Variants in CSF2RA observed in about 807,000 individuals in gnomAD.
CSF2RA encodes granulocyte-macrophage colony-stimulating factor receptor subunit alpha.
A neutral mutation model predicts 51.6 loss-of-function variants in CSF2RA; 42 were observed. The ratio of observed to expected loss-of-function variants is 0.81; its 90% CI spans 0.64 to 1.05. The LOEUF (loss-of-function observed/expected upper bound fraction) is 1.05. CSF2RA is among the 50% of genes least tolerant of loss of function. CSF2RA has a pLI of 0.00. For missense variants in CSF2RA, 530 were observed against 501.1 expected, an observed-to-expected ratio of 1.06 and a Z score of -0.55; for synonymous variants, 222 against 193.0, an observed-to-expected ratio of 1.15 and a Z score of -1.24.
chrX:1,304,886 AACTCTTG>A (rs200961142), intron 11 of CSF2RA, among the ~76,000 whole-genome samples: 18,710 of 149,332 alleles, frequency 0.13, 1,507 homozygotes, highest in Non-Finnish European at 0.18. Flanking sequence ...GCTGGTCTCT[AACTCTTG>A]ACCTCAGGTG....
chrX:1,298,804 C>A (rs1431084387), intron 9 of CSF2RA, among the ~76,000 whole-genome samples: 2 of 152,032 alleles, frequency 1.3e-5, no homozygotes, highest in African/African-American at 4.8e-5. Flanking sequence ...TCTGCCTAGA[C>A]CCAGTGTGAT....
chrX:1,294,512 A>T, intron 8 of CSF2RA, 51 bp downstream of exon 8: 1 of 1,610,460 alleles, frequency 6.2e-7, no homozygotes, highest in Non-Finnish European at 8.5e-7. Flanking sequence ...CGTACGGGAC[A>T]CGCCCGCACA....
chrX:1,285,748 A>C, intron 3 of CSF2RA, 30 bp from the exon 4 acceptor site: 1 of 1,588,362 alleles, frequency 6.3e-7, no homozygotes, highest in South Asian at 1.1e-5. Context: ...GAAAAGAGGA[A>C]ATTCTGAACC....
At position 1,309,645 on chromosome X, in the gene CSF2RA, G is replaced by C; in HGVS notation, c.*166G>C. 6.6e-7 allele frequency: 1 copy of C among 1,519,956 alleles called. No individual in the cohort carries two copies. The highest frequency in any genetic ancestry group is 9.1e-7 in the Non-Finnish European group (1 of 1,095,216). The allele number at this position is 1,519,956 out of a possible 1,614,324, so 94.2% of individuals were successfully genotyped here. A position where few individuals can be genotyped will look rare whatever the true frequency, so the allele number is the denominator to read the frequency against. On this transcript the variant is annotated 3_prime_UTR_variant, in exon 13 of 13. Transcript: ENST00000381529. Reference sequence around the variant, plus strand: ...CTCACGCCTGTAATCCCAGCACTTTGGGAGGCCAAGGCAGGCGGATCACCT... The same window carrying C: ...CTCACGCCTGTAATCCCAGCACTTTCGGAGGCCAAGGCAGGCGGATCACCT...
rs371886431 is a variant in CSF2RA at position 1,309,532 on chromosome X, G to T, written c.*53G>T. The stretch of plus-strand genomic sequence containing the variant: ...ACATCTCCGCCTCCGCGACACGGGG[G>T]AACTGTTTTCTTGATGATGCTGTGA... On this transcript the variant is annotated 3_prime_UTR_variant, in exon 13 of 13. Coordinates refer to ENST00000381529, the MANE Select transcript of CSF2RA (RefSeq NM_172245.4). 5 of 1,613,866 alleles carry T rather than the reference G, an allele frequency of 3.1e-6. No individual in the cohort carries two copies. In the African/African-American group the frequency reaches 4.0e-5, roughly 13 times the overall value.
At chrX:1,322,010 C>T in the CSF2RA span, among the ~76,000 whole-genome samples, 41 of 152,064 alleles carry the variant, frequency 2.7e-4, no homozygotes, top group Non-Finnish European at 5.3e-4. Flanking sequence ...TGGCTCATGC[C>T]TGTAATCCCA....
At chrX:1,301,656 G>A (rs746343285) in intron 10 of CSF2RA, among the ~76,000 whole-genome samples, 52 of 146,480 alleles carry the variant, frequency 3.5e-4, no homozygotes, top group African/African-American at 1.3e-3. Context: ...GAGTCCAGTG[G>A]CGCAATCTCG....
At chrX:1,282,994 G>GA (rs1414940853) in intron 3 of CSF2RA, among the ~76,000 whole-genome samples, 1 of 152,138 alleles carries the variant, frequency 6.6e-6, no homozygotes, top group Non-Finnish European at 1.5e-5. Context: ...CTACAGATGA[G>GA]AAAACGGAGG....
the CSF2RA span, among the ~76,000 whole-genome samples, chrX:1,319,519 C>A: frequency 6.7e-5 from 10 of 149,252 alleles, no homozygotes; most frequent in Admixed American, 3.4e-4. Flanking sequence ...AACTTCTGGC[C>A]TCAAGCGATC....
downstream of CSF2RA, among the ~76,000 whole-genome samples, chrX:1,313,018 C>T (rs1301316088): frequency 6.6e-6 from 1 of 152,066 alleles, no homozygotes; most frequent in South Asian, 2.1e-4. Flanking sequence ...CACAGGGCGC[C>T]CCAGGAAGCA....
intron 2 of CSF2RA, among the ~76,000 whole-genome samples, chrX:1,280,667 TTCCTCCTCC>T (rs1202323924): frequency 7.2e-5 from 10 of 138,880 alleles, no homozygotes; most frequent in Non-Finnish European, 7.8e-5. Context: ...CTTCCTCCTC[TTCCTCCTCC>T]TCCTTCTTCT....
chrX:1,317,040 G>A, the CSF2RA span, among the ~76,000 whole-genome samples: 5 of 151,872 alleles, frequency 3.3e-5, no homozygotes, highest in Admixed American at 2.0e-4. Flanking sequence ...TCCGCTTCCC[G>A]GGTTCACGCC....
rs2083818877 is a variant in CSF2RA, at chrX:1,307,875, C to CTT, written c.1126-1525_1126-1524dup. Among the ~76,000 whole-genome samples, 4 of 138,014 alleles carry CTT rather than the reference C, an allele frequency of 2.9e-5. 1 individual carries two copies. Among genetic ancestry groups the CTT allele is most frequent in the East Asian group, 2.2e-4 (1 of 4,632 alleles). 90.5% of individuals were successfully genotyped at this position (138,014 alleles called of 152,430 possible). On this transcript the variant is annotated intron_variant, in intron 12 of 12. Transcript: ENST00000381529. ...GATTAGATGAGGCCTACCCTTCTCC[C>CTT]TTTAGACCTTTGACTGATTAGATGA...
At position 1,294,489 on chromosome X, in the gene CSF2RA, A is replaced by C. The variant is rs1434372569; in HGVS notation, c.780+28A>C. ...CGGTGAGAGCTCCCCGGGGCTGGGC[A>C]CCAGGAGGGAGGCGTACGGGACACG... On this transcript the variant is annotated intron_variant, in intron 8 of 12. Transcript: ENST00000381529. The C allele has an allele frequency of 3.1e-6, 5 of 1,610,112 alleles. 1 individual carries two copies. The African/African-American group carries it at 5.5e-5, about 18-fold the overall frequency.
At chrX:1,286,718 C>G (rs1192574113) in intron 4 of CSF2RA, among the ~76,000 whole-genome samples, 2 of 152,152 alleles carry the variant, frequency 1.3e-5, no homozygotes, top group Admixed American at 6.6e-5. Flanking sequence ...ACAATGTGTA[C>G]CAGAGCCTGA....
At chrX:1,270,689 A>G (rs1222413723) in intron 1 of CSF2RA, among the ~76,000 whole-genome samples, 2 of 151,382 alleles carry the variant, frequency 1.3e-5, no homozygotes, top group Non-Finnish European at 2.9e-5. Flanking sequence ...TGCGTCAGGA[A>G]TGGCTGACCT....
intron 9 of CSF2RA, among the ~76,000 whole-genome samples, chrX:1,298,046 GT>G: frequency 2.8e-5 from 1 of 35,904 alleles, no homozygotes; most frequent in African/African-American, 1.1e-4. Context: ...GACCCCTGGA[GT>G]AACCCTACAG....
downstream of CSF2RA, among the ~76,000 whole-genome samples, chrX:1,311,437 G>GT (rs1288841673): frequency 6.2e-3 from 623 of 100,696 alleles, 5 homozygotes; most frequent in African/African-American, 0.034. Flanking sequence ...AAATAAACCT[G>GT]TTTGTTTTTT....
At chrX:1,323,811 G>A in the CSF2RA span, among the ~76,000 whole-genome samples, 4 of 151,412 alleles carry the variant, frequency 2.6e-5, no homozygotes, top group African/African-American at 9.7e-5. Context: ...TCAGGAGATC[G>A]AAACCATCCT....
Sources: allele counts gnomAD v4.1 joint callset (sites outside exome capture counted in the v4.1 genomes callset), GRCh38; gene constraint gnomAD v4.1.1; transcripts MANE v1.5; gene names NCBI Gene and HGNC (gene_info 2026-07-23, HGNC 2026-07-21).